BRIP1: variants seen among roughly 807,000 people sequenced by gnomAD.
The protein encoded by BRIP1 is Fanconi anemia group J protein.
A neutral mutation model predicts 119.7 loss-of-function variants in BRIP1; 88 were observed. The ratio of observed to expected loss-of-function variants is 0.74; its 90% CI spans 0.62 to 0.88. The LOEUF (loss-of-function observed/expected upper bound fraction) is 0.88. BRIP1 is among the 40% of genes least tolerant of loss of function. BRIP1 has a pLI of 0.00. For missense variants in BRIP1, 1,259 were observed against 1,455.4 expected, an observed-to-expected ratio of 0.87 and a Z score of 2.20; for synonymous variants, 443 against 496.5, an observed-to-expected ratio of 0.89 and a Z score of 1.43.
At position 61,823,796 on chromosome 17, in the gene BRIP1, A is replaced by ACACACACACACACC; in HGVS notation, c.628-15040_628-15039insGGTGTGTGTGTGTG. On this transcript the variant is annotated intron_variant, in intron 6 of 19. Transcript: ENST00000259008. This position sits in a 1 kb window ranked among gnomAD's most constrained non-coding sequence, Gnocchi z 4.8. ...CACACACACACACACACACACACAC[A>ACACACACACACACC]CCTTAGTTGAATTGCTGAAAGCAGA... Among the ~76,000 whole-genome samples the ACACACACACACACC allele has an allele frequency of 1.3e-5, 2 of 148,936 alleles. No individual in the cohort carries two copies. The highest frequency in any genetic ancestry group is 5.0e-5 in the African/African-American group (2 of 40,028).
In BRIP1 at chr17:61,735,874, C is replaced by A. The variant is rs1159407611; in HGVS notation, c.2379+7139G>T. On this transcript the variant is annotated intron_variant, in intron 16 of 19. Transcript: ENST00000259008. This position sits in a 1 kb window ranked among gnomAD's most constrained non-coding sequence, Gnocchi z 4.4. ...CAGTCCTACAACCACAAACGGACCC[C>A]AAGTGCCAGATAACAACACAACCTG... Among the ~76,000 whole-genome samples the A allele has an allele frequency of 1.3e-5, 2 of 152,120 alleles. No homozygotes were observed. Among genetic ancestry groups the A allele is most frequent in the African/African-American group, 2.4e-5 (1 of 41,416 alleles).
At chr17:61,716,089 A>G in intron 16 of BRIP1, 26 bp from the exon 17 acceptor site, 1 of 1,335,908 alleles carries the variant, frequency 7.5e-7, no homozygotes, top group Non-Finnish European at 1.0e-6. Context: ...TATATTTAAA[A>G]AATTAGTAGA....
At position 61,844,591 on chromosome 17, in the gene BRIP1, A is replaced by G. The variant is rs1866940547; in HGVS notation, c.627+2510T>C. On this transcript the variant is annotated intron_variant, in intron 6 of 19. Transcript: ENST00000259008. This position sits in a 1 kb window ranked among gnomAD's most constrained non-coding sequence, Gnocchi z 4.7. ...GGCAACACATTGAGACCCTGTGTCT[A>G]CAAATAAAGCAAACAAAAACAATTC... 6.6e-6 allele frequency among the ~76,000 whole-genome samples: 1 copy of G among 152,324 alleles called. No homozygotes were observed.
rs746396419 is a variant in BRIP1 at position 61,746,805 on chromosome 17, A to G, written c.2098-2214T>C. Among the ~76,000 whole-genome samples, 5 of 152,078 alleles carry G rather than the reference A, an allele frequency of 3.3e-5. No homozygotes were observed. Among genetic ancestry groups the G allele is most frequent in the Non-Finnish European group, 4.4e-5 (3 of 67,974 alleles). ...ACATCCAAACAGAAGATCAACAAGG[A>G]AACGGAACTTGAACAATACTAGAGA... On this transcript the variant is annotated intron_variant, in intron 14 of 19. Transcript: ENST00000259008. The surrounding 1 kb of genome is among the most constrained non-coding windows in gnomAD (Gnocchi z 4.9).
In BRIP1 at chr17:61,780,728, A is replaced by AAAC. The variant is rs552840954; in HGVS notation, c.1794+109_1794+111dup. 4.6e-4 allele frequency: 602 copies of AAAC among 1,316,354 alleles called. No homozygotes were observed. Among genetic ancestry groups the AAAC allele is most frequent in the African/African-American group, 1.3e-3 (93 of 68,894 alleles). The allele number at this position is 1,316,354 out of a possible 1,614,324, so 81.5% of individuals were successfully genotyped here. A position where few individuals can be genotyped will look rare whatever the true frequency, so the allele number is the denominator to read the frequency against. ...GGGTGAAGAGCAAGACCCTGCCTCA[A>AAAC]AACAACAACAACAACAACAACAAAC... On this transcript the variant is annotated intron_variant, in intron 12 of 19. Coordinates refer to ENST00000259008, the MANE Select transcript of BRIP1 (RefSeq NM_032043.3). This position sits in a 1 kb window ranked among gnomAD's most constrained non-coding sequence, Gnocchi z 5.4.
At position 61,780,621 on chromosome 17, in the gene BRIP1, G is replaced by A. The variant is rs751280443; in HGVS notation, c.1794+219C>T. ...CACATGCCTATAGTCCCAGCTACTC[G>A]GGAAGCTAAGGTGGGAGGATCGCTT... On this transcript the variant is annotated intron_variant, in intron 12 of 19. Transcript: ENST00000259008. This position sits in a 1 kb window ranked among gnomAD's most constrained non-coding sequence, Gnocchi z 5.4. 5.3e-5 allele frequency among the ~76,000 whole-genome samples: 8 copies of A among 151,934 alleles called. No homozygotes were observed. The highest frequency in any genetic ancestry group is 1.0e-4 in the Non-Finnish European group (7 of 67,976).
Position 61,849,273 on chromosome 17 carries a change from A to T in BRIP1, c.380-17T>A, listed in dbSNP as rs200050729. 459 of 1,602,000 alleles carry T rather than the reference A, an allele frequency of 2.9e-4. No individual in the cohort carries two copies. Among genetic ancestry groups the T allele is most frequent in the Admixed American group, 1.0e-3 (60 of 58,738 alleles). On this transcript the variant is annotated splice_polypyrimidine_tract_variant and intron_variant, in intron 4 of 19. Coordinates refer to ENST00000259008, the MANE Select transcript of BRIP1 (RefSeq NM_032043.3). Reference sequence around the variant, plus strand: ...CAGGGGAGTCTTATATAAGTAATTTAAAAAAAACAGCATAAATAACTTACA... The same window carrying T: ...CAGGGGAGTCTTATATAAGTAATTTTAAAAAAACAGCATAAATAACTTACA...
At chr17:61,847,537 G>A (rs1008604637) in intron 5 of BRIP1, among the ~76,000 whole-genome samples, 1 of 151,958 alleles carries the variant, frequency 6.6e-6, no homozygotes, top group Non-Finnish European at 1.5e-5. Flanking sequence ...TAGCAATATT[G>A]GAAAGTCCAA....
chr17:61,777,674 T>C (rs1276082598), intron 13 of BRIP1, among the ~76,000 whole-genome samples: 1 of 151,940 alleles, frequency 6.6e-6, no homozygotes, highest in Non-Finnish European at 1.5e-5. Flanking sequence ...TAAAGAGATG[T>C]ATGTGGGAAG....
Position 61,720,096 on chromosome 17 carries a change from A to G in BRIP1, c.2380-4033T>C, listed in dbSNP as rs1464148819. Among the ~76,000 whole-genome samples, 2 of 152,160 alleles carry G rather than the reference A, an allele frequency of 1.3e-5. No homozygotes were observed. The highest frequency in any genetic ancestry group is 2.9e-5 in the Non-Finnish European group (2 of 68,020). ...AGAAAACCTCCCACCTTGACCTCCC[A>G]AAGTGCTAGGAATACAGGCATGAGC... On this transcript the variant is annotated intron_variant, in intron 16 of 19. Transcript: ENST00000259008. The surrounding 1 kb of genome is among the most constrained non-coding windows in gnomAD (Gnocchi z 4.3).
In BRIP1 at chr17:61,842,885, G is replaced by C. The variant is rs1476723513; in HGVS notation, c.627+4216C>G. Reference sequence around the variant, plus strand: ...CAAATAGCTAAACATAATACCAAGAGTTTAAAAAATCAAGGTTATACAGTT... The same window carrying C: ...CAAATAGCTAAACATAATACCAAGACTTTAAAAAATCAAGGTTATACAGTT... On this transcript the variant is annotated intron_variant, in intron 6 of 19. Coordinates refer to ENST00000259008, the MANE Select transcript of BRIP1 (RefSeq NM_032043.3). This position sits in a 1 kb window ranked among gnomAD's most constrained non-coding sequence, Gnocchi z 5.1. Among the ~76,000 whole-genome samples, 1 of 152,108 alleles carries C rather than the reference G, an allele frequency of 6.6e-6. No homozygotes were observed. Among genetic ancestry groups the C allele is most frequent in the Admixed American group, 6.6e-5 (1 of 15,264 alleles).
At chr17:61,782,455 A>G (rs2077638760) in intron 11 of BRIP1, among the ~76,000 whole-genome samples, 1 of 151,786 alleles carries the variant, frequency 6.6e-6, no homozygotes, top group South Asian at 2.1e-4. Context: ...GCCATGATTT[A>G]CTGGATGTGA....
rs189735488 is a variant in BRIP1, at chr17:61,712,643, C to T, written c.2492+3308G>A. On this transcript the variant is annotated intron_variant, in intron 17 of 19. Transcript: ENST00000259008. ...TTTGTGGGCCGAATGTGGTGGCTCA[C>T]GCCTGTAATTCCAGCACTTTGGGAG... Among the ~76,000 whole-genome samples the T allele has an allele frequency of 2.3e-3, 343 of 152,192 alleles. 3 individuals are homozygous for T. The highest frequency in any genetic ancestry group is 4.6e-3 in the South Asian group (22 of 4,806).
In BRIP1 at chr17:61,776,006, C is replaced by T. The variant is rs2077526865; in HGVS notation, c.2097+395G>A. On this transcript the variant is annotated intron_variant, in intron 14 of 19. Coordinates refer to ENST00000259008, the MANE Select transcript of BRIP1 (RefSeq NM_032043.3). The surrounding 1 kb of genome is among the most constrained non-coding windows in gnomAD (Gnocchi z 5.0). ...TCAAGCAATCCTCCCACCTCAGCCT[C>T]GCAGGTAGCTGGGACTATAGGTGTG... is the stretch of plus-strand genomic sequence containing the variant. The T allele has an allele frequency of 8.3e-6, 2 of 240,914 alleles. No homozygotes were observed. Among genetic ancestry groups the T allele is most frequent in the East Asian group, 1.0e-4 (1 of 9,646 alleles). The allele number at this position is 240,914 out of a possible 1,614,324, so 14.9% of individuals were successfully genotyped here.
chr17:61,839,699 T>C (rs1603358050), intron 6 of BRIP1, among the ~76,000 whole-genome samples: 1 of 152,200 alleles, frequency 6.6e-6, no homozygotes, highest in Non-Finnish European at 1.5e-5. Context: ...TTATGAGAAA[T>C]TGTCAGAGGC....
Position 61,722,609 on chromosome 17 carries a change from TA to T in BRIP1, c.2380-6547del, listed in dbSNP as rs1181716167. On this transcript the variant is annotated intron_variant, in intron 16 of 19. Coordinates refer to ENST00000259008, the MANE Select transcript of BRIP1 (RefSeq NM_032043.3). This position sits in a 1 kb window ranked among gnomAD's most constrained non-coding sequence, Gnocchi z 4.6. ...TTGACATCTACTTTGTCAGACATAA[TA>T]GCTTATGTGTTTTCAAAATTTCCTA... 1.3e-5 allele frequency among the ~76,000 whole-genome samples: 2 copies of T among 152,216 alleles called. No individual in the cohort carries two copies. Among genetic ancestry groups the T allele is most frequent in the Non-Finnish European group, 2.9e-5 (2 of 68,030 alleles).
At position 61,805,313 on chromosome 17, in the gene BRIP1, T is replaced by C. The variant is rs1434501112; in HGVS notation, c.918+3154A>G. Among the ~76,000 whole-genome samples the C allele has an allele frequency of 2.0e-5, 3 of 152,174 alleles. No individual in the cohort carries two copies. Among genetic ancestry groups the C allele is most frequent in the Admixed American group, 2.0e-4 (3 of 15,272 alleles). Reference sequence around the variant, plus strand: ...TTCAGCCATGTTAAAGGATGATACCTGTTAGTCCTCCAAAGTATTAAAAAT... The same window carrying C: ...TTCAGCCATGTTAAAGGATGATACCCGTTAGTCCTCCAAAGTATTAAAAAT... On this transcript the variant is annotated intron_variant, in intron 7 of 19. Coordinates refer to ENST00000259008, the MANE Select transcript of BRIP1 (RefSeq NM_032043.3). The surrounding 1 kb of genome is among the most constrained non-coding windows in gnomAD (Gnocchi z 5.6).
In BRIP1 at chr17:61,842,535, T is replaced by G. The variant is rs974020283; in HGVS notation, c.627+4566A>C. ...GATCATTACACATCATATACATGTA[T>G]GAAAATTATCACACTGAATCCCATA... On this transcript the variant is annotated intron_variant, in intron 6 of 19. Transcript: ENST00000259008. This position sits in a 1 kb window ranked among gnomAD's most constrained non-coding sequence, Gnocchi z 5.1. Among the ~76,000 whole-genome samples the G allele has an allele frequency of 2.5e-4, 38 of 152,316 alleles. No homozygotes were observed. Among genetic ancestry groups the G allele is most frequent in the African/African-American group, 9.1e-4 (38 of 41,560 alleles).
In BRIP1 at chr17:61,857,023, C is replaced by T. The variant is rs754774307; in HGVS notation, c.379+35G>A. 2 of 1,588,866 alleles carry T rather than the reference C, an allele frequency of 1.3e-6. No individual in the cohort carries two copies. Among genetic ancestry groups the T allele is most frequent in the Non-Finnish European group, 1.7e-6 (2 of 1,157,188 alleles). On this transcript the variant is annotated intron_variant, in intron 4 of 19. Transcript: ENST00000259008. The surrounding 1 kb of genome is among the most constrained non-coding windows in gnomAD (Gnocchi z 5.1). The stretch of plus-strand genomic sequence containing the variant: ...ACAGTAATAATTAAGACTCTTATTA[C>T]AGATATCAACTGACCCAGGCAAAAT...
Sources: allele counts gnomAD v4.1 joint callset (sites outside exome capture counted in the v4.1 genomes callset), GRCh38; gene constraint gnomAD v4.1.1; non-coding constraint Gnocchi (gnomAD v3.1); transcripts MANE v1.5; gene names NCBI Gene and HGNC (gene_info 2026-07-23, HGNC 2026-07-21).